Variants in WWP1 observed in about 807,000 individuals in gnomAD.
The protein encoded by WWP1 is WW domain containing E3 ubiquitin protein ligase 1.
In WWP1, 49 loss-of-function variants were observed where a neutral mutation model predicts 130.6. The observed-to-expected ratio is 0.38, with a 90% CI of 0.30 to 0.48. The LOEUF (loss-of-function observed/expected upper bound fraction) is 0.48. WWP1 is among the 20% of genes least tolerant of loss of function. WWP1 has a pLI of 0.99. For synonymous variants in WWP1, 332 were observed against 367.8 expected, an observed-to-expected ratio of 0.90 and a Z score of 1.11; for missense variants, 809 against 1,100.6, an observed-to-expected ratio of 0.74 and a Z score of 3.75.
chr8:86,430,169 C>T (rs532145518), intron 11 of WWP1, among the ~76,000 whole-genome samples: 1 of 152,194 alleles, frequency 6.6e-6, no homozygotes, highest in African/African-American at 2.4e-5. Context: ...CCACTGCACC[C>T]CAGTCTGGGT....
chr8:86,373,883 G>A (rs1377523320), intron 2 of WWP1, 147 bp from the exon 3 acceptor site: 11 of 547,310 alleles, frequency 2.0e-5, no homozygotes, highest in Non-Finnish European at 3.1e-5. Context: ...TAACTTTAGG[G>A]TTTTCTTTTA....
intron 5 of WWP1, among the ~76,000 whole-genome samples, chr8:86,393,259 T>C (rs962950283): frequency 2.0e-5 from 3 of 152,134 alleles, no homozygotes; most frequent in Admixed American, 2.0e-4. Context: ...CAGGCTGGAG[T>C]GCACTGGCAC....
Position 86,431,510 on chromosome 8 carries a change from T to G in WWP1, c.1472+20T>G. On this transcript the variant is annotated intron_variant, in intron 13 of 24. Transcript: ENST00000517970. ...TCAAGGGTATGTATATACAGCAGCC[T>G]TAAGTCGTCTTGCATATATCAGTAG... The G allele has an allele frequency of 6.2e-7, 1 of 1,612,094 alleles. No individual in the cohort carries two copies. Among genetic ancestry groups the G allele is most frequent in the Non-Finnish European group, 8.5e-7 (1 of 1,178,968 alleles).
chr8:86,466,520 T>G (rs1039865900), intron 24 of WWP1, among the ~76,000 whole-genome samples: 4 of 150,290 alleles, frequency 2.7e-5, no homozygotes, highest in African/African-American at 1.0e-4. Flanking sequence ...GTAACAGGAA[T>G]AGTAAAAAGA....
chr8:86,452,525 A>G, intron 20 of WWP1, 34 bp from the exon 21 acceptor site: 1 of 1,558,628 alleles, frequency 6.4e-7, no homozygotes, highest in Non-Finnish European at 8.7e-7. Flanking sequence ...TCACATATAA[A>G]TTACCTATTT....
chr8:86,353,193 T>G (rs1246218635), intron 1 of WWP1, among the ~76,000 whole-genome samples: 3 of 151,684 alleles, frequency 2.0e-5, no homozygotes, highest in Non-Finnish European at 2.9e-5. Context: ...TTTAAATTAA[T>G]GAAAGAAACA....
chr8:86,405,021 C>G (rs1219345585), intron 8 of WWP1: 1 of 152,148 alleles, frequency 6.6e-6, no homozygotes, highest in Non-Finnish European at 1.5e-5. Flanking sequence ...ATTCTATTGG[C>G]CGGTTTACAG....
At chr8:86,435,424 A>C (rs1563531250) in intron 14 of WWP1, 28 bp from the exon 15 acceptor site, 1 of 1,608,572 alleles carries the variant, frequency 6.2e-7, no homozygotes. Context: ...ATTATGAGTT[A>C]ATTTGGTTTA....
intron 5 of WWP1, among the ~76,000 whole-genome samples, chr8:86,394,894 C>T (rs977467019): frequency 8.7e-6 from 1 of 115,546 alleles, no homozygotes; most frequent in African/African-American, 3.3e-5. Context: ...ATCTTTGTGG[C>T]GTTGATGATT....
intron 16 of WWP1, among the ~76,000 whole-genome samples, chr8:86,436,294 T>C (rs563362895): frequency 1.3e-5 from 2 of 152,266 alleles, no homozygotes; most frequent in Non-Finnish European, 2.9e-5. Flanking sequence ...GTTTTGATAA[T>C]GCTATCAAAT....
At chr8:86,449,140 T>TG (rs1314756667) in intron 20 of WWP1, among the ~76,000 whole-genome samples, 1 of 152,190 alleles carries the variant, frequency 6.6e-6, no homozygotes, top group Non-Finnish European at 1.5e-5. Context: ...CCTGGTCACT[T>TG]GCTCTTTTTT....
chr8:86,368,781 A>G (rs1824120014), intron 1 of WWP1, among the ~76,000 whole-genome samples, 158 bp from the exon 2 acceptor site: 1 of 152,110 alleles, frequency 6.6e-6, no homozygotes, highest in South Asian at 2.1e-4. Flanking sequence ...TACACACTTC[A>G]AGACGCAGTT....
chr8:86,422,303 T>A (rs1444020760), intron 9 of WWP1, among the ~76,000 whole-genome samples: 1 of 149,908 alleles, frequency 6.7e-6, no homozygotes, highest in Non-Finnish European at 1.5e-5. Context: ...TGTCTTAAAC[T>A]CAGAAGTACC....
intron 9 of WWP1, among the ~76,000 whole-genome samples, chr8:86,422,783 A>C (rs1809302233): frequency 6.6e-6 from 1 of 152,182 alleles, no homozygotes; most frequent in Non-Finnish European, 1.5e-5. Context: ...CAAGAGATTG[A>C]GAGTCTTCAA....
chr8:86,356,156 A>T (rs17681618), intron 1 of WWP1, among the ~76,000 whole-genome samples: 47,895 of 119,578 alleles, frequency 0.4, 9,143 homozygotes, highest in Middle Eastern at 0.48. Flanking sequence ...GGCCTGGTTC[A>T]GGTTCCGTGT....
At chr8:86,357,885 G>C (rs1228798921) in intron 1 of WWP1, among the ~76,000 whole-genome samples, 4 of 152,146 alleles carry the variant, frequency 2.6e-5, no homozygotes, top group Non-Finnish European at 5.9e-5. Flanking sequence ...TTAACAATTT[G>C]GCTGTTACAG....
intron 1 of WWP1, among the ~76,000 whole-genome samples, chr8:86,348,679 AG>A (rs1460764649): frequency 6.6e-6 from 1 of 152,204 alleles, no homozygotes; most frequent in African/African-American, 2.4e-5. Context: ...AACATTAACA[AG>A]GGCATAGAAC....
At chr8:86,420,382 T>C (rs1809135529) in intron 9 of WWP1, among the ~76,000 whole-genome samples, 1 of 152,076 alleles carries the variant, frequency 6.6e-6, no homozygotes, top group South Asian at 2.1e-4. Flanking sequence ...GCTAATAGTA[T>C]TTTTTAAAAA....
At chr8:86,438,725 C>A (rs1323023768) in intron 17 of WWP1, 52 bp downstream of exon 17, 5 of 1,400,762 alleles carry the variant, frequency 3.6e-6, no homozygotes, top group Admixed American at 4.9e-5. Context: ...TCATTGTATA[C>A]AGGGAAAGTA....
Sources: gnomAD v4.1 joint callset for allele counts (sites outside exome capture counted in the v4.1 genomes callset) on GRCh38, gnomAD v4.1.1 for gene constraint, MANE v1.5 for transcripts, NCBI Gene and HGNC (gene_info 2026-07-23, HGNC 2026-07-21) for gene names.